Variants in PCDHGA9 observed in about 807,000 individuals in gnomAD.
PCDHGA9 encodes the protein protocadherin gamma subfamily A, 9.
In PCDHGA9, 37 loss-of-function variants were observed where a neutral mutation model predicts 62.5. The ratio of observed to expected loss-of-function variants is 0.59; its 90% CI spans 0.46 to 0.78. The LOEUF (loss-of-function observed/expected upper bound fraction) is 0.78. PCDHGA9 is among the 30% of genes least tolerant of loss of function. The pLI is 0.00. For synonymous variants in PCDHGA9, 459 were observed against 484.6 expected, an observed-to-expected ratio of 0.95 and a Z score of 0.69; for missense variants, 1,138 against 1,166.2, an observed-to-expected ratio of 0.98 and a Z score of 0.35.
intron 1 of PCDHGA9, among the ~76,000 whole-genome samples, chr5:141,459,014 T>G (rs1429233660): frequency 6.6e-6 from 1 of 152,240 alleles, no homozygotes; most frequent in Non-Finnish European, 1.5e-5. Flanking sequence ...ATTACAGGCA[T>G]GAGCCACCAC....
intron 1 of PCDHGA9, chr5:141,441,751 A>G (rs946329290): frequency 5.3e-6 from 2 of 378,094 alleles, no homozygotes; most frequent in African/African-American, 2.2e-5. Flanking sequence ...CTCGGCGTCA[A>G]CGTGAGCCTG....
intron 1 of PCDHGA9, chr5:141,414,330 G>T: frequency 6.2e-7 from 1 of 1,613,714 alleles, no homozygotes; most frequent in Non-Finnish European, 8.5e-7. Flanking sequence ...AGAATGGACA[G>T]GTAACCTGTT....
intron 1 of PCDHGA9, chr5:141,421,833 C>A: frequency 6.2e-7 from 1 of 1,613,756 alleles, no homozygotes; most frequent in South Asian, 1.1e-5. Context: ...GAAGCCTGGA[C>A]CGAGAGAAAG....
chr5:141,405,533 C>T (rs2094681755), intron 1 of PCDHGA9, 157 bp downstream of exon 1: 2 of 648,174 alleles, frequency 3.1e-6, no homozygotes. Context: ...GATTCTCCTG[C>T]CTCAGCCTCC....
Position 141,485,715 on chromosome 5 carries a change from A to G in PCDHGA9, c.2425-9092A>G. The G allele has an allele frequency of 6.2e-7, 1 of 1,614,114 alleles. No homozygotes were observed. Among genetic ancestry groups the G allele is most frequent in the Non-Finnish European group, 8.5e-7 (1 of 1,180,012 alleles). On this transcript the variant is annotated intron_variant, in intron 1 of 3. Transcript: ENST00000573521. The surrounding 1 kb of genome is among the most constrained non-coding windows in gnomAD (Gnocchi z 5.7). ...AGCTCCAATGAACACTTTGCACTGGATGTGAAGAAGCGCAGCGACGGCAGC... is the reference window on the plus strand; with the variant it reads ...AGCTCCAATGAACACTTTGCACTGGGTGTGAAGAAGCGCAGCGACGGCAGC...
rs780578882 is a variant in PCDHGA9 at position 141,486,578 on chromosome 5, C to T, written c.2425-8229C>T. On this transcript the variant is annotated intron_variant, in intron 1 of 3. Coordinates refer to ENST00000573521, the MANE Select transcript of PCDHGA9 (RefSeq NM_018921.3). This position sits in a 1 kb window ranked among gnomAD's most constrained non-coding sequence, Gnocchi z 5.0. ...TGAGGTGTTTGTTCCTGAGAACAAT[C>T]GCCCAGGGGACCTGCTTTGCTCCCT... 1.6e-5 allele frequency: 26 copies of T among 1,613,728 alleles called. No homozygotes were observed. The highest frequency in any genetic ancestry group is 2.2e-5 in the South Asian group (2 of 91,072).
chr5:141,430,485 G>T (rs926788879), intron 1 of PCDHGA9: 2 of 252,972 alleles, frequency 7.9e-6, no homozygotes, highest in Non-Finnish European at 7.4e-6. Flanking sequence ...ATATAAAAAC[G>T]AAATATCCTT....
chr5:141,448,803 G>A (rs2098607666), intron 1 of PCDHGA9, among the ~76,000 whole-genome samples: 2 of 152,020 alleles, frequency 1.3e-5, no homozygotes, highest in South Asian at 4.1e-4. Flanking sequence ...AAATTAGCCA[G>A]GCGTGATGGC....
intron 2 of PCDHGA9, among the ~76,000 whole-genome samples, chr5:141,497,158 T>A (rs2099774560): frequency 6.6e-6 from 1 of 151,860 alleles, no homozygotes; most frequent in African/African-American, 2.4e-5. Flanking sequence ...AAAAATAATC[T>A]AGCCACAAAT....
chr5:141,464,273 A>G (rs1330533734), intron 1 of PCDHGA9, among the ~76,000 whole-genome samples: 1 of 136,736 alleles, frequency 7.3e-6, no homozygotes, highest in African/African-American at 3.0e-5. Context: ...TAAAAAAAAA[A>G]AAAAGCAAAA....
chr5:141,470,622 A>G (rs1323376824), intron 1 of PCDHGA9, among the ~76,000 whole-genome samples: 6 of 152,336 alleles, frequency 3.9e-5, no homozygotes, highest in Admixed American at 6.5e-5. Flanking sequence ...CTTCATGCTT[A>G]GATAGGCCCC....
chr5:141,433,347 CCTA>C, intron 1 of PCDHGA9: 1 of 626,716 alleles, frequency 1.6e-6, no homozygotes, highest in South Asian at 2.0e-5. Flanking sequence ...GTGCAAGCCA[CCTA>C]CTGTCTGCCT....
chr5:141,438,983 T>C (rs1296267457), intron 1 of PCDHGA9, among the ~76,000 whole-genome samples: 1 of 151,930 alleles, frequency 6.6e-6, no homozygotes, highest in Non-Finnish European at 1.5e-5. Context: ...TGACTTATCT[T>C]AAAAGGCTAA....
intron 3 of PCDHGA9, 89 bp from the exon 4 acceptor site, chr5:141,510,858 T>G: frequency 6.2e-7 from 1 of 1,606,182 alleles, no homozygotes; most frequent in Non-Finnish European, 8.5e-7. Context: ...GGGTGCTGTA[T>G]AGGCATTCAT....
chr5:141,424,750 A>T (rs2096838482), intron 1 of PCDHGA9: 1 of 152,114 alleles, frequency 6.6e-6, no homozygotes, highest in Admixed American at 6.5e-5. Context: ...CTTTCTTTAT[A>T]AGGTCATTCT....
Position 141,476,437 on chromosome 5 carries a change from T to C in PCDHGA9, c.2425-18370T>C, listed in dbSNP as rs1260141259. The C allele has an allele frequency of 6.2e-7, 1 of 1,614,004 alleles. No homozygotes were observed. Among genetic ancestry groups the C allele is most frequent in the East Asian group, 2.2e-5 (1 of 44,836 alleles). ...GGACACTGCCCTCTTGCACTGTAAC[T>C]CTGGAGTTGGTAGTGGAGAACCCGC... On this transcript the variant is annotated intron_variant, in intron 1 of 3. Transcript: ENST00000573521. This position sits in a 1 kb window ranked among gnomAD's most constrained non-coding sequence, Gnocchi z 7.6.
intron 1 of PCDHGA9, chr5:141,440,761 C>T (rs2098198732): frequency 6.6e-6 from 1 of 152,172 alleles, no homozygotes; most frequent in African/African-American, 2.4e-5. Context: ...GCAGAGCTCC[C>T]ATCCCTTAGT....
At chr5:141,450,826 A>C (rs965147554) in intron 1 of PCDHGA9, among the ~76,000 whole-genome samples, 1 of 134,302 alleles carries the variant, frequency 7.4e-6, no homozygotes, top group African/African-American at 2.9e-5. Context: ...TATTATTATT[A>C]TTATTTTTTT....
At chr5:141,415,551 C>T (rs745641887) in intron 1 of PCDHGA9, 1 of 1,614,132 alleles carries the variant, frequency 6.2e-7, no homozygotes, top group South Asian at 1.1e-5. Context: ...GTGAGAAAAA[C>T]GATCCTTTGT....
Sources: allele counts gnomAD v4.1 joint callset (sites outside exome capture counted in the v4.1 genomes callset), GRCh38; gene constraint gnomAD v4.1.1; non-coding constraint Gnocchi (gnomAD v3.1); transcripts MANE v1.5; gene names NCBI Gene and HGNC (gene_info 2026-07-23, HGNC 2026-07-21).